CNTNAP2: variants seen among roughly 807,000 people sequenced by gnomAD.
CNTNAP2 encodes contactin associated protein 2, also known as contactin-associated protein-like 2.
In CNTNAP2, 98 loss-of-function variants were observed where a neutral mutation model predicts 155.2. That is an observed-to-expected ratio of 0.63 (90% CI 0.54 to 0.75). CNTNAP2 has a LOEUF of 0.75. CNTNAP2 is among the 30% of genes least tolerant of loss of function. CNTNAP2 has a pLI of 0.00. For missense variants in CNTNAP2, 1,727 were observed against 1,688.1 expected (o/e 1.02, Z -0.40); for synonymous variants, 651 against 631.2 (o/e 1.03, Z -0.47).
intron 3 of CNTNAP2, among the ~76,000 whole-genome samples, chr7:146,886,120 T>TG (rs1337027469): frequency 6.6e-6 from 1 of 152,046 alleles, no homozygotes; most frequent in Non-Finnish European, 1.5e-5. Context: ...CCCTCAACCC[T>TG]GCAATCAAAA....
At chr7:146,349,684 C>T (rs1313780248) in intron 1 of CNTNAP2, among the ~76,000 whole-genome samples, 1 of 152,100 alleles carries the variant, frequency 6.6e-6, no homozygotes. Context: ...AATCTCTCAG[C>T]ATTTGTTTGT....
At chr7:147,337,900 T>C (rs1795691937) in intron 9 of CNTNAP2, among the ~76,000 whole-genome samples, 1 of 152,164 alleles carries the variant, frequency 6.6e-6, no homozygotes, top group Non-Finnish European at 1.5e-5. Flanking sequence ...CTGACCTTAC[T>C]GATAAAATTT....
chr7:148,310,502 T>C lies in CNTNAP2; in HGVS notation c.3475+43376T>C, dbSNP rs1473898532. Among the ~76,000 whole-genome samples, 6 of 152,170 alleles carry C rather than the reference T, an allele frequency of 3.9e-5. No individual in the cohort carries two copies. In the East Asian group the frequency reaches 1.2e-3, roughly 29 times the overall value. ...GAGGTTGAAATGCCTGCTATTCCAG[T>C]ACCGAGAGCAATAGTAGAGGCAGAA... On this transcript the variant is annotated intron_variant, in intron 21 of 23. Transcript: ENST00000361727.
chr7:147,665,221 G>A (rs1165950038), intron 13 of CNTNAP2, among the ~76,000 whole-genome samples: 1 of 152,124 alleles, frequency 6.6e-6, no homozygotes, highest in South Asian at 2.1e-4. Flanking sequence ...CTTAATTTAA[G>A]AGTATTAGAT....
At chr7:147,174,385 GT>G (rs1224888693) in intron 8 of CNTNAP2, among the ~76,000 whole-genome samples, 18 of 152,196 alleles carry the variant, frequency 1.2e-4, no homozygotes, top group African/African-American at 4.3e-4. Flanking sequence ...CATACCTGTA[GT>G]AGTTTCAAAG....
chr7:147,440,965 GT>G (rs1485059834), intron 10 of CNTNAP2, among the ~76,000 whole-genome samples: 1 of 152,004 alleles, frequency 6.6e-6, no homozygotes, highest in Non-Finnish European at 1.5e-5. Context: ...AAATCTGCTT[GT>G]TGTTCGATAA....
At position 146,652,394 on chromosome 7, in the gene CNTNAP2, G is replaced by A. The variant is rs529676003; in HGVS notation, c.98-121877G>A. The stretch of plus-strand genomic sequence containing the variant: ...ACTTCTGTTTTCATTATTTATTTGC[G>A]ATGTGGGCACATTACCAAACTGCTT... On this transcript the variant is annotated intron_variant, in intron 1 of 23. Coordinates refer to ENST00000361727, the MANE Select transcript of CNTNAP2 (RefSeq NM_014141.6). Among the ~76,000 whole-genome samples the A allele has an allele frequency of 8.1e-4, 123 of 152,182 alleles. 2 individuals carry two copies. The South Asian group carries it at 0.024, about 29-fold the overall frequency.
intron 1 of CNTNAP2, among the ~76,000 whole-genome samples, chr7:146,520,477 T>G (rs192272713): frequency 6.6e-6 from 1 of 151,586 alleles, no homozygotes; most frequent in Admixed American, 6.6e-5. Context: ...GAATGCAGGA[T>G]CCTCTAAGTG....
chr7:148,004,624 A>C (rs1173716244), intron 15 of CNTNAP2, among the ~76,000 whole-genome samples: 2 of 152,210 alleles, frequency 1.3e-5, no homozygotes, highest in African/African-American at 4.8e-5. Flanking sequence ...ATAAGACAAC[A>C]AATGACCCAG....
chr7:148,227,153 C>A (rs1795867757), intron 19 of CNTNAP2, among the ~76,000 whole-genome samples: 2 of 152,042 alleles, frequency 1.3e-5, no homozygotes, highest in African/African-American at 4.8e-5. Context: ...GAAGGAAAAC[C>A]GAAAGAGTGT....
chr7:146,621,825 G>T (rs1799323144), intron 1 of CNTNAP2, among the ~76,000 whole-genome samples: 1 of 152,102 alleles, frequency 6.6e-6, no homozygotes, highest in Admixed American at 6.6e-5. Flanking sequence ...TATTATGTCT[G>T]CCTCTTTGAG....
At chr7:146,770,762 A>G (rs2129185303) in intron 1 of CNTNAP2, among the ~76,000 whole-genome samples, 1 of 152,244 alleles carries the variant, frequency 6.6e-6, no homozygotes, top group African/African-American at 2.4e-5. Flanking sequence ...GTTTAATGTA[A>G]TAACTCTAAA....
chr7:148,348,736 A>T (rs923467835), intron 21 of CNTNAP2, among the ~76,000 whole-genome samples: 1 of 152,232 alleles, frequency 6.6e-6, no homozygotes, highest in Non-Finnish European at 1.5e-5. Context: ...AGCAGAGTAG[A>T]TAATAGATGC....
At chr7:147,471,814 G>T (rs547050818) in intron 10 of CNTNAP2, among the ~76,000 whole-genome samples, 102 of 152,258 alleles carry the variant, frequency 6.7e-4, no homozygotes, top group Non-Finnish European at 1.2e-3. Flanking sequence ...CAATGAACCC[G>T]AGAGGTATAG....
chr7:147,973,160 T>TAAAAAAAA lies in CNTNAP2; in HGVS notation c.2256-4688_2256-4681dup, dbSNP rs35756000. 3.4e-3 allele frequency among the ~76,000 whole-genome samples: 409 copies of TAAAAAAAA among 120,790 alleles called. 10 individuals carry two copies. Among genetic ancestry groups the TAAAAAAAA allele is most frequent in the East Asian group, 8.8e-3 (30 of 3,414 alleles). 79.2% of individuals were successfully genotyped at this position (120,790 alleles called of 152,430 possible). On this transcript the variant is annotated intron_variant, in intron 14 of 23. Transcript: ENST00000361727. ...CAGAGCAAGACCCTGTCTCTAAAATTAAAAAAAAAAAAAAAAAAAAAGTAG... is the reference window on the plus strand; with the variant it reads ...CAGAGCAAGACCCTGTCTCTAAAATTAAAAAAAAAAAAAAAAAAAAAAAAAAAAAGTAG...
intron 10 of CNTNAP2, among the ~76,000 whole-genome samples, chr7:147,472,005 A>G (rs905439392): frequency 6.6e-5 from 10 of 152,130 alleles, no homozygotes; most frequent in African/African-American, 2.4e-4. Context: ...AAAAAGAAGC[A>G]TGTGTGCAAA....
intron 3 of CNTNAP2, among the ~76,000 whole-genome samples, chr7:146,970,512 T>A (rs529386080): frequency 6.6e-6 from 1 of 152,320 alleles, no homozygotes; most frequent in South Asian, 2.1e-4. Flanking sequence ...CACAGTGAGA[T>A]ACCATCCCAC....
intron 10 of CNTNAP2, among the ~76,000 whole-genome samples, chr7:147,414,700 G>A (rs1797159030): frequency 6.6e-6 from 1 of 151,942 alleles, no homozygotes; most frequent in South Asian, 2.1e-4. Flanking sequence ...CCAGCACTTT[G>A]GGAGGCCAAG....
intron 8 of CNTNAP2, among the ~76,000 whole-genome samples, chr7:147,139,246 T>G (rs748689823): frequency 9.9e-5 from 15 of 152,066 alleles, no homozygotes; most frequent in Non-Finnish European, 2.1e-4. Context: ...TTCATTTAAG[T>G]GTAAGGGCTG....
Sources: allele counts gnomAD v4.1 joint callset (sites outside exome capture counted in the v4.1 genomes callset), GRCh38; gene constraint gnomAD v4.1.1; transcripts MANE v1.5; gene names NCBI Gene and HGNC (gene_info 2026-07-23, HGNC 2026-07-21).